SYN3: variants seen among roughly 807,000 people sequenced by gnomAD.
SYN3 encodes the protein synapsin III, also known as synapsin-3.
A neutral mutation model predicts 65.8 loss-of-function variants in SYN3; 35 were observed. That is an observed-to-expected ratio of 0.53 (90% CI 0.41 to 0.70). SYN3 has a LOEUF of 0.70. Ranked by LOEUF, SYN3 falls within the 30% of genes least tolerant of loss-of-function variation. SYN3 has a pLI of 0.00. For missense variants in SYN3, 680 were observed against 749.0 expected, an observed-to-expected ratio of 0.91 and a Z score of 1.08; for synonymous variants, 270 against 292.9, an observed-to-expected ratio of 0.92 and a Z score of 0.80.
intron 1 of SYN3, chr22:33,015,242 A>ATAT (rs56343315): frequency 1.4e-4 from 31 of 216,196 alleles, no homozygotes; most frequent in Non-Finnish European, 2.4e-4. Flanking sequence ...AAAAAAAAAA[A>ATAT]CTACTGTATC....
chr22:32,803,332 G>C (rs1034446737), intron 6 of SYN3, among the ~76,000 whole-genome samples: 37 of 152,124 alleles, frequency 2.4e-4, no homozygotes, highest in Admixed American at 2.0e-3. Flanking sequence ...GTGGTGAGGA[G>C]GGGGAGGAGG....
At chr22:32,855,050 A>C (rs1231091975) in intron 6 of SYN3, among the ~76,000 whole-genome samples, 2 of 152,234 alleles carry the variant, frequency 1.3e-5, no homozygotes, top group Non-Finnish European at 2.9e-5. Context: ...ACTGTAGGTA[A>C]ATTAATACCA....
At chr22:32,737,311 T>C (rs1034245528) in intron 6 of SYN3, among the ~76,000 whole-genome samples, 2 of 152,108 alleles carry the variant, frequency 1.3e-5, no homozygotes, top group African/African-American at 4.8e-5. Flanking sequence ...CTGGATCTTT[T>C]CTTTTCTTTT....
intron 4 of SYN3, among the ~76,000 whole-genome samples, chr22:32,875,714 A>C (rs1316204598): frequency 2.0e-5 from 3 of 152,158 alleles, no homozygotes; most frequent in Admixed American, 6.5e-5. Context: ...TGATGTGTCT[A>C]TAATACAGGG....
intron 6 of SYN3, among the ~76,000 whole-genome samples, chr22:32,789,430 C>T (rs2046270132): frequency 6.6e-6 from 1 of 152,126 alleles, no homozygotes; most frequent in Admixed American, 6.5e-5. Context: ...CAGAGGACTC[C>T]ATATTATATA....
At chr22:32,954,371 A>C (rs1342609986) in intron 3 of SYN3, among the ~76,000 whole-genome samples, 1 of 152,186 alleles carries the variant, frequency 6.6e-6, no homozygotes, top group African/African-American at 2.4e-5. Context: ...ACCTAGAAAC[A>C]AATTTTGCTA....
chr22:32,997,450 A>T (rs903904214), intron 2 of SYN3, among the ~76,000 whole-genome samples: 2 of 152,108 alleles, frequency 1.3e-5, no homozygotes, highest in Non-Finnish European at 2.9e-5. Flanking sequence ...CACCATCAGA[A>T]ATTCCTTTTA....
chr22:32,778,201 C>T (rs1417465594), intron 6 of SYN3, among the ~76,000 whole-genome samples: 1 of 152,212 alleles, frequency 6.6e-6, no homozygotes, highest in Non-Finnish European at 1.5e-5. Flanking sequence ...GAAACATTAA[C>T]TTCTCAGTTT....
At chr22:32,599,909 G>A (rs534362206) in intron 6 of SYN3, among the ~76,000 whole-genome samples, 11 of 152,210 alleles carry the variant, frequency 7.2e-5, no homozygotes, top group African/African-American at 2.4e-4. Flanking sequence ...AGCAGAGTGA[G>A]GCAGCATGGC....
At chr22:32,624,362 G>A (rs573026863) in intron 6 of SYN3, among the ~76,000 whole-genome samples, 4 of 152,332 alleles carry the variant, frequency 2.6e-5, no homozygotes, top group African/African-American at 4.8e-5. Flanking sequence ...TCCCCAGGAT[G>A]AGCAGCATTC....
At chr22:32,981,857 A>T (rs1350409248) in intron 2 of SYN3, among the ~76,000 whole-genome samples, 1 of 152,162 alleles carries the variant, frequency 6.6e-6, no homozygotes, top group Admixed American at 6.6e-5. Flanking sequence ...TCATCATGTT[A>T]TCTTCACATA....
intron 6 of SYN3, among the ~76,000 whole-genome samples, chr22:32,671,390 G>A (rs370649282): frequency 2.0e-5 from 3 of 151,326 alleles, no homozygotes; most frequent in South Asian, 2.1e-4. Flanking sequence ...ACACTCACCC[G>A]CATCCTCTCA....
intron 6 of SYN3, among the ~76,000 whole-genome samples, chr22:32,785,590 T>C (rs1301493193): frequency 2.6e-5 from 4 of 152,212 alleles, no homozygotes; most frequent in African/African-American, 2.4e-5. Flanking sequence ...ATTCAAGTGT[T>C]GGGAAAACAT....
chr22:32,900,797 T>C (rs796657153), intron 4 of SYN3, among the ~76,000 whole-genome samples: 2 of 152,338 alleles, frequency 1.3e-5, no homozygotes, highest in African/African-American at 4.8e-5. Flanking sequence ...GAAATTGACA[T>C]TTATTTAGCA....
chr22:32,974,644 TTGTG>T (rs150999284), intron 3 of SYN3, among the ~76,000 whole-genome samples: 7 of 150,498 alleles, frequency 4.7e-5, no homozygotes, highest in Non-Finnish European at 8.9e-5. Flanking sequence ...CTCACTAGCA[TTGTG>T]TGTGTGTGTG....
At chr22:33,043,980 G>C (rs2054012203) in intron 1 of SYN3, among the ~76,000 whole-genome samples, 1 of 152,104 alleles carries the variant, frequency 6.6e-6, no homozygotes, top group South Asian at 2.1e-4. Flanking sequence ...TTCAACCTGG[G>C]GGGCAGAGGT....
At chr22:32,560,971 G>C (rs1254387974) in intron 7 of SYN3, among the ~76,000 whole-genome samples, 1 of 152,210 alleles carries the variant, frequency 6.6e-6, no homozygotes, top group Non-Finnish European at 1.5e-5. Flanking sequence ...ATGCAGGAGT[G>C]GAGGATGATT....
chr22:32,995,096 C>G (rs2052840301), intron 2 of SYN3, among the ~76,000 whole-genome samples: 1 of 152,166 alleles, frequency 6.6e-6, no homozygotes, highest in Admixed American at 6.5e-5. Flanking sequence ...TCTGGACTGT[C>G]CCCTCAGCTT....
At chr22:32,943,370 A>T (rs544351860) in intron 3 of SYN3, among the ~76,000 whole-genome samples, 10 of 152,330 alleles carry the variant, frequency 6.6e-5, no homozygotes, top group Admixed American at 6.5e-4. Context: ...AAGGAGAAAT[A>T]AAATACTTTA....
Sources: gnomAD v4.1 joint callset for allele counts (sites outside exome capture counted in the v4.1 genomes callset) on GRCh38, gnomAD v4.1.1 for gene constraint, MANE v1.5 for transcripts, NCBI Gene and HGNC (gene_info 2026-07-23, HGNC 2026-07-21) for gene names.